The following UGT1A10 variants were observed in gnomAD, a reference collection of about 807,000 sequenced individuals.
The protein encoded by UGT1A10 is UDP glucuronosyltransferase family 1 member A10, also known as UDP-glucuronosyltransferase 1A10.
UGT1A10 carries 49 observed loss-of-function variants against 45.8 expected under a neutral mutation model. The observed-to-expected ratio is 1.07, with a 90% CI of 0.85 to 1.36. UGT1A10 has a LOEUF of 1.36. UGT1A10 is among the 40% of genes most tolerant of loss of function. The pLI, the probability that UGT1A10 is intolerant of heterozygous loss-of-function variation, is 0.00. For missense variants in UGT1A10, 745 were observed against 668.6 expected, an observed-to-expected ratio of 1.11 and a Z score of -1.26; for synonymous variants, 284 against 249.7, an observed-to-expected ratio of 1.14 and a Z score of -1.29.
chr2:233,693,565 C>T (rs145551470), intron 1 of UGT1A10: 249 of 1,614,094 alleles, frequency 1.5e-4, no homozygotes, highest in Non-Finnish European at 2.0e-4. Flanking sequence ...GAAGCCCAGA[C>T]CCTGTGTCCT....
chr2:233,758,661 T>C (rs1290185814), intron 1 of UGT1A10, among the ~76,000 whole-genome samples: 2 of 152,178 alleles, frequency 1.3e-5, no homozygotes, highest in Non-Finnish European at 2.9e-5. Context: ...GGTACCCTAA[T>C]TACCTGTTAA....
At chr2:233,706,455 T>A (rs1417577264) in intron 1 of UGT1A10, among the ~76,000 whole-genome samples, 1 of 152,244 alleles carries the variant, frequency 6.6e-6, no homozygotes, top group East Asian at 1.9e-4. Context: ...AAATGACCAT[T>A]GAGGTTTCAC....
intron 1 of UGT1A10, among the ~76,000 whole-genome samples, chr2:233,766,795 T>C (rs1485406690): frequency 1.3e-5 from 2 of 152,194 alleles, no homozygotes; most frequent in African/African-American, 4.8e-5. Flanking sequence ...AACTAGCACA[T>C]TACCTGGATT....
At chr2:233,715,304 G>A (rs1362641009) in intron 1 of UGT1A10, among the ~76,000 whole-genome samples, 1 of 152,110 alleles carries the variant, frequency 6.6e-6, no homozygotes, top group Non-Finnish European at 1.5e-5. Flanking sequence ...CTCTTGAATA[G>A]GTTTTGCTTT....
At chr2:233,740,090 C>T (rs1463854417) in intron 1 of UGT1A10, among the ~76,000 whole-genome samples, 1 of 151,842 alleles carries the variant, frequency 6.6e-6, no homozygotes, top group Non-Finnish European at 1.5e-5. Context: ...CGCCTGCTGC[C>T]ATGTGAGACA....
rs552702165 is a variant in UGT1A10, at chr2:233,713,903, C to G, written c.856-53131C>G. The G allele has an allele frequency of 2.5e-6, 4 of 1,612,846 alleles. No homozygotes were observed. The Admixed American group carries it at 6.7e-5, about 27-fold the overall frequency. On this transcript the variant is annotated intron_variant, in intron 1 of 4. Coordinates refer to ENST00000344644, the MANE Select transcript of UGT1A10 (RefSeq NM_019075.4). ...TCCAATCAATGTTCCAGGCAAAACA[C>G]TTTTTAAAAAATGTATTTACTTACA...
Position 233,747,399 on chromosome 2 carries a change from C to A in UGT1A10, c.856-19635C>A, listed in dbSNP as rs554943916. Reference sequence around the variant, plus strand: ...AGGCCACCAGGCGGTGGTCCTCACCCCAGAGGTGAATATGCACATCAAACA... The same window carrying A: ...AGGCCACCAGGCGGTGGTCCTCACCACAGAGGTGAATATGCACATCAAACA... On this transcript the variant is annotated intron_variant, in intron 1 of 4. Transcript: ENST00000344644. 2.5e-6 allele frequency: 4 copies of A among 1,606,666 alleles called. No individual in the cohort carries two copies. The East Asian group carries it at 8.9e-5, about 36-fold the overall frequency.
intron 1 of UGT1A10, among the ~76,000 whole-genome samples, chr2:233,745,202 AGAT>A (rs1693037434): frequency 6.6e-6 from 1 of 151,858 alleles, no homozygotes; most frequent in Admixed American, 6.5e-5. Flanking sequence ...ACAACCAGGG[AGAT>A]CCTCTCAGAC....
rs45569333 is a variant in UGT1A10, at chr2:233,718,151, T to A, written c.856-48883T>A. The A allele has an allele frequency of 1.8e-4, 44 of 241,004 alleles. No individual in the cohort carries two copies. The East Asian group carries it at 3.7e-3, about 20-fold the overall frequency. The allele number at this position is 241,004 out of a possible 1,614,324, so 14.9% of individuals were successfully genotyped here. ...TAGATGGAGAATCCTCAATAAAGCC[T>A]TCCCAAGAATATGATCATCACATCT... On this transcript the variant is annotated intron_variant, in intron 1 of 4. Transcript: ENST00000344644.
intron 1 of UGT1A10, among the ~76,000 whole-genome samples, chr2:233,669,455 A>G (rs888548904): frequency 7.2e-5 from 11 of 152,170 alleles, no homozygotes; most frequent in African/African-American, 2.7e-4. Context: ...GAACATATCT[A>G]TTTATTCAGG....
chr2:233,643,452 G>C (rs1246752883), intron 1 of UGT1A10, among the ~76,000 whole-genome samples: 1 of 152,014 alleles, frequency 6.6e-6, no homozygotes, highest in African/African-American at 2.4e-5. Flanking sequence ...AAGGCAGTGG[G>C]CTCCCCTCTA....
chr2:233,772,436 T>G lies in UGT1A10; in HGVS notation c.1470T>G (p.Gly490=). 6.2e-7 allele frequency: 1 copy of G among 1,614,180 alleles called. No individual in the cohort carries two copies. Among genetic ancestry groups the G allele is most frequent in the Non-Finnish European group, 8.5e-7 (1 of 1,180,036 alleles). Residue 490 remains glycine, a synonymous_variant, in exon 5 of 5, where the codon GGT becomes GGG. Coordinates refer to ENST00000344644, the MANE Select transcript of UGT1A10 (RefSeq NM_019075.4). ...AGTACCATTCCTTGGACGTGATTGGTTTCCTCTTGGCCGTCGTGCTGACAG... is the reference window on the plus strand; with the variant it reads ...AGTACCATTCCTTGGACGTGATTGGGTTCCTCTTGGCCGTCGTGCTGACAG... ...WYQYHSLDVI[G]FLLAVVLTVA...
At chr2:233,680,864 G>A (rs2074500629) in intron 1 of UGT1A10, among the ~76,000 whole-genome samples, 1 of 152,062 alleles carries the variant, frequency 6.6e-6, no homozygotes, top group Non-Finnish European at 1.5e-5. Flanking sequence ...TCATTAGAGT[G>A]CTTGGGCAAG....
intron 1 of UGT1A10, chr2:233,648,238 T>C (rs1241331358): frequency 1.6e-6 from 1 of 621,220 alleles, no homozygotes; most frequent in South Asian, 2.5e-5. Flanking sequence ...ATTAGTAGAA[T>C]ACTTAAAGGA....
At chr2:233,732,493 G>C (rs141356640) in intron 1 of UGT1A10, among the ~76,000 whole-genome samples, 2 of 152,178 alleles carry the variant, frequency 1.3e-5, no homozygotes, top group African/African-American at 4.8e-5. Context: ...TGTATAAGGC[G>C]TAAGGAAGGG....
rs1697406226 is a variant in UGT1A10, at chr2:233,760,332, G to C, written c.856-6702G>C. On this transcript the variant is annotated intron_variant, in intron 1 of 4. Coordinates refer to ENST00000344644, the MANE Select transcript of UGT1A10 (RefSeq NM_019075.4). Reference sequence around the variant, plus strand: ...GCGGACGCCCACTTGTCCTGGGCCTGCTGCTGTGTGTGCTGGGCCCAGTGG... The same window carrying C: ...GCGGACGCCCACTTGTCCTGGGCCTCCTGCTGTGTGTGCTGGGCCCAGTGG... 6.2e-7 allele frequency: 1 copy of C among 1,613,946 alleles called. No homozygotes were observed. Among genetic ancestry groups the C allele is most frequent in the African/African-American group, 1.3e-5 (1 of 74,948 alleles).
At chr2:233,683,873 C>T (rs1312506448) in intron 1 of UGT1A10, among the ~76,000 whole-genome samples, 2 of 152,028 alleles carry the variant, frequency 1.3e-5, no homozygotes, top group East Asian at 1.9e-4. Context: ...CAAATTATTC[C>T]CTCCCCTGGT....
chr2:233,644,978 A>G (rs1021291797), intron 1 of UGT1A10, among the ~76,000 whole-genome samples: 1 of 152,148 alleles, frequency 6.6e-6, no homozygotes, highest in Non-Finnish European at 1.5e-5. Flanking sequence ...AAAGGTTCTT[A>G]TGACCCCTGA....
At chr2:233,703,966 C>T (rs910344544) in intron 1 of UGT1A10, among the ~76,000 whole-genome samples, 12 of 152,032 alleles carry the variant, frequency 7.9e-5, no homozygotes, top group African/African-American at 2.9e-4. Context: ...TCTTGGCCCA[C>T]TGCAACCTCC....
Sources: gnomAD v4.1 joint callset for allele counts (sites outside exome capture counted in the v4.1 genomes callset) on GRCh38, gnomAD v4.1.1 for gene constraint, MANE v1.5 for transcripts, NCBI Gene and HGNC (gene_info 2026-07-23, HGNC 2026-07-21) for gene names.